Variants in OR9G4 observed in about 807,000 individuals in gnomAD.
OR9G4 encodes olfactory receptor family 9 subfamily G member 4, also known as olfactory receptor 9G4.
OR9G4 carries 19 observed loss-of-function variants against 16.7 expected under a neutral mutation model. That is an observed-to-expected ratio of 1.14 (90% CI 0.79 to 1.67). The LOEUF (loss-of-function observed/expected upper bound fraction) is 1.67. Ranked by LOEUF, OR9G4 falls within the 40% of genes most tolerant of loss-of-function variation. The pLI, the probability that OR9G4 is intolerant of heterozygous loss-of-function variation, is 0.00. For missense variants in OR9G4, 428 were observed against 370.4 expected, an observed-to-expected ratio of 1.16 and a Z score of -1.28; for synonymous variants, 182 against 146.2, an observed-to-expected ratio of 1.24 and a Z score of -1.76.
At chr11:56,743,829 A>G (rs1349913500) in intron 1 of OR9G4, 41 bp from the exon 2 acceptor site, 2 of 1,590,728 alleles carry the variant, frequency 1.3e-6, no homozygotes, top group African/African-American at 2.7e-5. Flanking sequence ...TGTTTTTTCT[A>G]TTCACACAAG....
In OR9G4 at chr11:56,743,753, T is replaced by G; in HGVS notation, c.14A>C (p.Asn5Thr). ...GATGAATTCAGTCAGGATGGTGCAA[T>G]TTCCCACTTCCATGTCCACGGAGGT... MEVG[N>T]CTILTEFILL... is the part of the protein sequence containing the mutation. The change falls in exon 2 of 2, where the codon AAT (asparagine) becomes ACT (threonine). Residue 5 changes from asparagine to threonine, a missense_variant. Transcript: ENST00000641668. 1 of 1,614,020 alleles carries G rather than the reference T, an allele frequency of 6.2e-7. No homozygotes were observed. Among genetic ancestry groups the G allele is most frequent in the Non-Finnish European group, 8.5e-7 (1 of 1,179,926 alleles).
At chr11:56,746,359 T>G (rs986899948) in intron 1 of OR9G4, among the ~76,000 whole-genome samples, 10 of 151,758 alleles carry the variant, frequency 6.6e-5, no homozygotes, top group African/African-American at 2.4e-4. Context: ...AAACACTGCA[T>G]TTCTTAATTT....
rs912400867 is a variant in OR9G4, at chr11:56,741,558, G to A, written c.*1270C>T. ...TCCTTTGTGATAGAGGAATAAGAAT[G>A]TTAAGATTATTTTGATGGAAAGAGG... On this transcript the variant is annotated 3_prime_UTR_variant, in exon 2 of 2. Coordinates refer to ENST00000641668, the MANE Select transcript of OR9G4 (RefSeq NM_001005284.2). The A allele has an allele frequency of 1.3e-5, 2 of 152,200 alleles. No individual in the cohort carries two copies. The highest frequency in any genetic ancestry group is 2.9e-5 in the Non-Finnish European group (2 of 68,090). The allele number at this position is 152,200 out of a possible 1,614,324, so 9.4% of individuals were successfully genotyped here.
chr11:56,745,346 A>G (rs973468510), intron 1 of OR9G4, among the ~76,000 whole-genome samples: 1 of 152,230 alleles, frequency 6.6e-6, no homozygotes, highest in Non-Finnish European at 1.5e-5. Flanking sequence ...TATTTGGTAC[A>G]TATCCCTGAC....
rs141111554 is a variant in OR9G4 at position 56,747,159 on chromosome 11, C to T, written c.-23+1497G>A. Among the ~76,000 whole-genome samples the T allele has an allele frequency of 1.4e-3, 213 of 149,824 alleles. 1 individual carries two copies. Among genetic ancestry groups the T allele is most frequent in the African/African-American group, 5.2e-3 (210 of 40,562 alleles). On this transcript the variant is annotated intron_variant, in intron 1 of 1. Coordinates refer to ENST00000641668, the MANE Select transcript of OR9G4 (RefSeq NM_001005284.2). Reference sequence around the variant, plus strand: ...GCTTTCTCACTTTTTCTCAAATGTGCCGTCTCTGTCCCAGCATCAAAGATT... The same window carrying T: ...GCTTTCTCACTTTTTCTCAAATGTGTCGTCTCTGTCCCAGCATCAAAGATT...
intron 1 of OR9G4, among the ~76,000 whole-genome samples, chr11:56,747,363 C>T (rs1399554957): frequency 6.6e-6 from 1 of 151,908 alleles, no homozygotes; most frequent in African/African-American, 2.4e-5. Flanking sequence ...TTTTAAATTC[C>T]ATGCCCCTTT....
At position 56,748,677 on chromosome 11, in the gene OR9G4, C is replaced by T. The variant is rs1402174845; in HGVS notation, c.-44G>A. On this transcript the variant is annotated 5_prime_UTR_variant, in exon 1 of 2. Transcript: ENST00000641668. Reference sequence around the variant, plus strand: ...TTACCCTTGGTTTGGAAGGCCAGCTCTTGGAAGTCACACTTTTCCCTCTCT... The same window carrying T: ...TTACCCTTGGTTTGGAAGGCCAGCTTTTGGAAGTCACACTTTTCCCTCTCT... The T allele has an allele frequency of 6.6e-6, 1 of 152,250 alleles. No homozygotes were observed. Among genetic ancestry groups the T allele is most frequent in the Admixed American group, 6.5e-5 (1 of 15,278 alleles). 9.4% of individuals were successfully genotyped at this position (152,250 alleles called of 1,614,324 possible).
rs751990971 is a variant in OR9G4, at chr11:56,743,788, A to C, written c.-22T>G. 6.2e-7 allele frequency: 1 copy of C among 1,612,972 alleles called. No homozygotes were observed. Among genetic ancestry groups the C allele is most frequent in the East Asian group, 2.2e-5 (1 of 44,858 alleles). ...CCATGTCCACGGAGGTGAAAGCCTG[A>C]CTATCATGAGAAGGGAAAATCATCA... On this transcript the variant is annotated splice_region_variant and 5_prime_UTR_variant, in exon 2 of 2. Coordinates refer to ENST00000641668, the MANE Select transcript of OR9G4 (RefSeq NM_001005284.2).
chr11:56,743,946 G>T, intron 1 of OR9G4, 158 bp from the exon 2 acceptor site: 2 of 748,804 alleles, frequency 2.7e-6, no homozygotes, highest in Non-Finnish European at 4.3e-6. Context: ...AAAAATTACT[G>T]GAATTGGAGT....
chr11:56,746,292 CAAAAAAAAAAAAA>C (rs71470125), intron 1 of OR9G4, among the ~76,000 whole-genome samples: 15 of 70,562 alleles, frequency 2.1e-4, no homozygotes, highest in African/African-American at 7.6e-4. Flanking sequence ...GACTCCGTCT[CAAAAAAAAAAAAA>C]AAAAAAAAAA....
intron 1 of OR9G4, among the ~76,000 whole-genome samples, chr11:56,746,918 C>CT (rs1858424843): frequency 6.6e-6 from 1 of 151,296 alleles, no homozygotes; most frequent in Non-Finnish European, 1.5e-5. Context: ...CTTTCTAACT[C>CT]ATCTACACCC....
At chr11:56,746,292 CAAAAAAA>C (rs71470125) in intron 1 of OR9G4, among the ~76,000 whole-genome samples, 4 of 70,560 alleles carry the variant, frequency 5.7e-5, no homozygotes, top group Non-Finnish European at 7.7e-5. Flanking sequence ...GACTCCGTCT[CAAAAAAA>C]AAAAAAAAAA....
chr11:56,744,255 T>C (rs1422087125), intron 1 of OR9G4, among the ~76,000 whole-genome samples: 1 of 152,144 alleles, frequency 6.6e-6, no homozygotes, highest in East Asian at 1.9e-4. Flanking sequence ...TGTTTTACCA[T>C]GTTGGCCATG....
intron 1 of OR9G4, among the ~76,000 whole-genome samples, chr11:56,747,684 T>C (rs1452053981): frequency 6.6e-6 from 1 of 150,434 alleles, no homozygotes; most frequent in African/African-American, 2.4e-5. Flanking sequence ...TTTCTTTTTT[T>C]TTTTCTTTGA....
chr11:56,743,911 TATAGGACTTCAGTCCATGATTTGG>T, intron 1 of OR9G4, 123 bp from the exon 2 acceptor site: 1 of 1,101,656 alleles, frequency 9.1e-7, no homozygotes, highest in Non-Finnish European at 1.3e-6. Context: ...TATCTAGAAT[TATAGGACTTCAGTCCATGATTTGG>T]AAAAATTACT....
At chr11:56,748,532 T>C (rs1477265865) in intron 1 of OR9G4, 124 bp downstream of exon 1, 6 of 152,256 alleles carry the variant, frequency 3.9e-5, no homozygotes, top group South Asian at 2.1e-4. Context: ...TGCACCTGTG[T>C]GCATGTGTGG....
chr11:56,742,555 G>T lies in OR9G4; in HGVS notation c.*273C>A. The T allele has an allele frequency of 5.5e-6, 2 of 365,870 alleles. No homozygotes were observed. Among genetic ancestry groups the T allele is most frequent in the Non-Finnish European group, 4.9e-6 (1 of 203,974 alleles). The allele number at this position is 365,870 out of a possible 1,614,324, so 22.7% of individuals were successfully genotyped here. On this transcript the variant is annotated 3_prime_UTR_variant, in exon 2 of 2. Transcript: ENST00000641668. ...TTTTGTTCCCCAAGATCTCCCAAAGGGAGCAAACACAATGAAATCTATGAA... is the reference window on the plus strand; with the variant it reads ...TTTTGTTCCCCAAGATCTCCCAAAGTGAGCAAACACAATGAAATCTATGAA...
intron 1 of OR9G4, among the ~76,000 whole-genome samples, chr11:56,744,182 C>T (rs966275876): frequency 2.0e-5 from 3 of 152,104 alleles, no homozygotes; most frequent in Non-Finnish European, 4.4e-5. Context: ...ATTCTCCTGC[C>T]TCAGCCTCCT....
In OR9G4 at chr11:56,741,786, A is replaced by G. The variant is rs866789824; in HGVS notation, c.*1042T>C. 6.6e-6 allele frequency: 1 copy of G among 151,920 alleles called. No homozygotes were observed. The highest frequency in any genetic ancestry group is 2.4e-5 in the African/African-American group (1 of 41,160). The allele number at this position is 151,920 out of a possible 1,614,324, so 9.4% of individuals were successfully genotyped here. A position where few individuals can be genotyped will look rare whatever the true frequency, so the allele number is the denominator to read the frequency against. On this transcript the variant is annotated 3_prime_UTR_variant, in exon 2 of 2. Transcript: ENST00000641668. The stretch of plus-strand genomic sequence containing the variant: ...GCAAGCTTGTGATTTGAAAATTGTA[A>G]CCATTAATCCTTAACTTGCCATCTT...
Sources: allele counts gnomAD v4.1 joint callset (sites outside exome capture counted in the v4.1 genomes callset), GRCh38; gene constraint gnomAD v4.1.1; transcripts MANE v1.5; gene names NCBI Gene and HGNC (gene_info 2026-07-23, HGNC 2026-07-21).